KCNH7: variants seen among roughly 807,000 people sequenced by gnomAD.
KCNH7 encodes the protein voltage-gated inwardly rectifying potassium channel KCNH7.
KCNH7 carries 49 observed loss-of-function variants against 120.8 expected under a neutral mutation model. That is an observed-to-expected ratio of 0.41 (90% CI 0.32 to 0.51). The LOEUF is 0.51. Among genes scored for constraint, KCNH7 ranks in the 20% least tolerant of loss-of-function variants. KCNH7 has a pLI of 0.38. For synonymous variants in KCNH7, 547 were observed against 516.1 expected, an observed-to-expected ratio of 1.06 and a Z score of -0.81; for missense variants, 1,097 against 1,446.6, an observed-to-expected ratio of 0.76 and a Z score of 3.92.
At chr2:162,499,927 C>G (rs1302466880) in intron 6 of KCNH7, among the ~76,000 whole-genome samples, 2 of 151,966 alleles carry the variant, frequency 1.3e-5, no homozygotes, top group Non-Finnish European at 2.9e-5. Flanking sequence ...CCCAAACTCC[C>G]AATGTAGCTA....
At chr2:162,439,213 TA>T (rs147659584) in intron 7 of KCNH7, among the ~76,000 whole-genome samples, 2 of 152,058 alleles carry the variant, frequency 1.3e-5, no homozygotes, top group South Asian at 4.1e-4. Flanking sequence ...AAAACTAGAG[TA>T]AAAAACTGTC....
chr2:162,607,917 T>C (rs1402660783), intron 2 of KCNH7, among the ~76,000 whole-genome samples: 2 of 152,174 alleles, frequency 1.3e-5, no homozygotes, highest in African/African-American at 4.8e-5. Flanking sequence ...AAGATACAAA[T>C]ATAGTTAAAG....
intron 9 of KCNH7, among the ~76,000 whole-genome samples, chr2:162,420,350 TG>T (rs1247404526): frequency 6.6e-6 from 1 of 152,168 alleles, no homozygotes; most frequent in Non-Finnish European, 1.5e-5. Context: ...CACTCTAGGC[TG>T]GGAAATAGAG....
intron 2 of KCNH7, among the ~76,000 whole-genome samples, chr2:162,704,101 A>G (rs1686610255): frequency 6.6e-6 from 1 of 152,132 alleles, no homozygotes; most frequent in Non-Finnish European, 1.5e-5. Context: ...ACTATATGTG[A>G]ACTTTTCATA....
At chr2:162,679,581 C>G (rs1685644443) in intron 2 of KCNH7, among the ~76,000 whole-genome samples, 1 of 151,624 alleles carries the variant, frequency 6.6e-6, no homozygotes, top group African/African-American at 2.4e-5. Flanking sequence ...TACAGAATAA[C>G]AACATCAAAG....
intron 3 of KCNH7, among the ~76,000 whole-genome samples, chr2:162,518,856 G>A (rs1691416950): frequency 7.1e-6 from 1 of 140,944 alleles, no homozygotes; most frequent in Non-Finnish European, 1.5e-5. Context: ...GGCATATAAT[G>A]TTATGTATAT....
intron 6 of KCNH7, among the ~76,000 whole-genome samples, chr2:162,481,578 A>G (rs956478505): frequency 1.3e-5 from 2 of 152,176 alleles, no homozygotes; most frequent in Non-Finnish European, 2.9e-5. Flanking sequence ...GACTTTCCTC[A>G]TCAGTAAAAA....
At chr2:162,432,316 A>G (rs1688095948) in intron 8 of KCNH7, among the ~76,000 whole-genome samples, 1 of 152,022 alleles carries the variant, frequency 6.6e-6, no homozygotes, top group Non-Finnish European at 1.5e-5. Flanking sequence ...CTGTGTTTGC[A>G]GCCTAGACTT....
chr2:162,399,983 C>T (rs777601543), intron 10 of KCNH7, among the ~76,000 whole-genome samples: 14 of 151,840 alleles, frequency 9.2e-5, no homozygotes, highest in Non-Finnish European at 1.3e-4. Context: ...ATTTACACTT[C>T]GGAGAAAAAG....
At chr2:162,536,852 A>G in intron 3 of KCNH7, 73 bp downstream of exon 3, 2 of 1,271,892 alleles carry the variant, frequency 1.6e-6, no homozygotes, top group Non-Finnish European at 2.2e-6. Flanking sequence ...CTGAATTGAA[A>G]TGAAGACTGT....
Position 162,648,948 on chromosome 2 carries a change from T to C in KCNH7, c.308-111868A>G, listed in dbSNP as rs149112215. ...CACTCATTACACATTTGCTTACTTATGTCTACATATAAAATGCTCAGACAT... is the reference window on the plus strand; with the variant it reads ...CACTCATTACACATTTGCTTACTTACGTCTACATATAAAATGCTCAGACAT... On this transcript the variant is annotated intron_variant, in intron 2 of 15. Coordinates refer to ENST00000332142, the MANE Select transcript of KCNH7 (RefSeq NM_033272.4). Among the ~76,000 whole-genome samples, 111 of 152,338 alleles carry C rather than the reference T, an allele frequency of 7.3e-4. 1 individual carries two copies. The East Asian group carries it at 0.019, about 26-fold the overall frequency.
chr2:162,382,747 A>G (rs1686456591), intron 13 of KCNH7, among the ~76,000 whole-genome samples: 1 of 152,016 alleles, frequency 6.6e-6, no homozygotes, highest in South Asian at 2.1e-4. Context: ...CAAGTCACAC[A>G]TTGCATATTA....
intron 2 of KCNH7, among the ~76,000 whole-genome samples, chr2:162,565,728 T>C (rs1432325424): frequency 1.3e-5 from 2 of 152,098 alleles, no homozygotes; most frequent in East Asian, 1.9e-4. Flanking sequence ...ATTTATAAAC[T>C]ATTTATAAAC....
chr2:162,420,952 T>G (rs1366140258), intron 9 of KCNH7, among the ~76,000 whole-genome samples: 1 of 152,114 alleles, frequency 6.6e-6, no homozygotes, highest in South Asian at 2.1e-4. Context: ...ATTTTTTTTT[T>G]AAACTCTCAA....
chr2:162,735,241 A>C (rs1045021646), intron 2 of KCNH7, among the ~76,000 whole-genome samples: 4 of 152,324 alleles, frequency 2.6e-5, no homozygotes, highest in Non-Finnish European at 4.4e-5. Context: ...TATGAAGGCC[A>C]AGAAAGCTAT....
chr2:162,752,920 A>G (rs1302415792), intron 2 of KCNH7, among the ~76,000 whole-genome samples: 12 of 65,596 alleles, frequency 1.8e-4, no homozygotes, highest in African/African-American at 5.7e-4. Flanking sequence ...AAAGAAAAGA[A>G]AAGAAAAGAA....
intron 2 of KCNH7, among the ~76,000 whole-genome samples, chr2:162,606,302 T>C (rs1045554933): frequency 6.6e-6 from 1 of 152,024 alleles, no homozygotes. Context: ...ACTGTGACAA[T>C]GTACAAATTT....
chr2:162,605,360 C>T (rs1267999424), intron 2 of KCNH7, among the ~76,000 whole-genome samples: 1 of 152,050 alleles, frequency 6.6e-6, no homozygotes, highest in Non-Finnish European at 1.5e-5. Flanking sequence ...CTAGAGTTCA[C>T]CTTTAGAAAG....
At chr2:162,496,251 G>A (rs76582199) in intron 6 of KCNH7, among the ~76,000 whole-genome samples, 1,736 of 152,244 alleles carry the variant, frequency 0.011, 25 homozygotes, top group African/African-American at 0.04. Flanking sequence ...AATGAAAGGA[G>A]TTAGCTTTCT....
Sources: gnomAD v4.1 joint callset for allele counts (sites outside exome capture counted in the v4.1 genomes callset) on GRCh38, gnomAD v4.1.1 for gene constraint, MANE v1.5 for transcripts, NCBI Gene and HGNC (gene_info 2026-07-23, HGNC 2026-07-21) for gene names.